Variants in NUP98 observed in about 807,000 individuals in gnomAD.
The protein encoded by NUP98 is nuclear pore complex protein Nup98-Nup96.
Under a neutral mutation model 191.9 loss-of-function variants are expected in NUP98, and 26 were observed. That is an observed-to-expected ratio of 0.14 (90% CI 0.10 to 0.19). The LOEUF is 0.19. NUP98 is among the 10% of genes least tolerant of loss of function. NUP98 has a pLI of 1.00. For synonymous variants in NUP98, 808 were observed against 778.4 expected (o/e 1.04, Z -0.63); for missense variants, 1,941 against 2,178.8 (o/e 0.89, Z 2.17).
At chr11:3,781,456 A>ATTTTTTT (rs202136583) in intron 2 of NUP98, 1 of 147,486 alleles carries the variant, frequency 6.8e-6, no homozygotes, top group South Asian at 2.2e-4. Flanking sequence ...AGGAAACAAA[A>ATTTTTTT]TTTTTTTTTT....
rs1326467905 is a variant in NUP98, at chr11:3,699,322, T to C, written c.3769A>G (p.Thr1257Ala). The change falls in exon 25 of 33, where the codon ACA becomes GCA. Residue 1257 changes from threonine to alanine, a missense_variant. Thr to Ala is a moderately conservative substitution (Grantham distance 58). Around this residue, in one of 6 missense-constraint regions of NUP98, gnomAD observed 1,030 missense variants for 1,115.8 expected, o/e 0.92. Transcript: ENST00000324932. Reference protein sequence around the residue: ...QIVKHWSLTWTLCEALWGHLK... With the variant: ...QIVKHWSLTWALCEALWGHLK... ...TGGCCCCATAGGGCTTCACATAGTG[T>C]CCATGTCAGGCTCCAGTGCTTCACA... The C allele has an allele frequency of 2.5e-6, 4 of 1,614,148 alleles. No individual in the cohort carries two copies. The East Asian group carries it at 8.9e-5, about 36-fold the overall frequency.
intron 11 of NUP98, among the ~76,000 whole-genome samples, chr11:3,745,462 T>C (rs1336956377): frequency 2.6e-5 from 4 of 152,184 alleles, no homozygotes; most frequent in Non-Finnish European, 5.9e-5. Context: ...GAAACTGGTA[T>C]TGTTGAATTT....
intron 10 of NUP98, among the ~76,000 whole-genome samples, chr11:3,753,610 C>T (rs1028399088): frequency 6.6e-6 from 1 of 151,834 alleles, no homozygotes; most frequent in Non-Finnish European, 1.5e-5. Context: ...ACATTTCAGC[C>T]TTGAAATATC....
chr11:3,689,940 ATTTTTTTTTTTTTTT>A (rs989043726), intron 28 of NUP98, among the ~76,000 whole-genome samples: 1 of 73,574 alleles, frequency 1.4e-5, no homozygotes, highest in Admixed American at 1.5e-4. Context: ...GCTGGCCTGC[ATTTTTTTTTTTTTTT>A]TTTTTTTTTT....
intron 18 of NUP98, among the ~76,000 whole-genome samples, chr11:3,717,735 C>T (rs930262668): frequency 6.6e-6 from 1 of 152,192 alleles, no homozygotes; most frequent in African/African-American, 2.4e-5. Flanking sequence ...AGCAGGCATC[C>T]TTGTGTTGCC....
In NUP98 at chr11:3,683,294, G is replaced by A. The variant is rs762130499; in HGVS notation, c.4824C>T (p.His1608=). 8 of 1,614,034 alleles carry A rather than the reference G, an allele frequency of 5.0e-6. No homozygotes were observed. Among genetic ancestry groups the A allele is most frequent in the Non-Finnish European group, 6.8e-6 (8 of 1,180,038 alleles). ...WIHEAKAVRA[H]MESDKHLEAL... ...CCTCTAAGTGCTTGTCAGATTCCAT[G>A]TGTGCTCGCACAGCTTTGGCCTCGT... Residue 1608 remains histidine (H), a synonymous_variant, in exon 30 of 33, where the codon CAC becomes CAT. Coordinates refer to ENST00000324932, the MANE Select transcript of NUP98 (RefSeq NM_016320.5).
chr11:3,742,786 A>C (rs964147970), intron 12 of NUP98, among the ~76,000 whole-genome samples: 4 of 152,058 alleles, frequency 2.6e-5, no homozygotes, highest in East Asian at 1.9e-4. Flanking sequence ...CTGACAAAGA[A>C]GACTCAAGAA....
intron 14 of NUP98, 103 bp downstream of exon 14, chr11:3,731,288 G>A: frequency 1.3e-6 from 1 of 778,590 alleles, no homozygotes; most frequent in African/African-American, 1.8e-5. Context: ...AAACAAAGTG[G>A]ACTGTATCAC....
chr11:3,727,215 T>C lies in NUP98; in HGVS notation c.1731-1996A>G, dbSNP rs548386617. Among the ~76,000 whole-genome samples the C allele has an allele frequency of 3.5e-4, 54 of 152,226 alleles. No homozygotes were observed. In the Middle Eastern group the frequency reaches 0.014, roughly 38 times the overall value. ...CTGAACACAGTTGTGCACACACACC[T>C]ATAGTCCCACGTACTTGAGAGGCTG... On this transcript the variant is annotated intron_variant, in intron 14 of 32. Coordinates refer to ENST00000324932, the MANE Select transcript of NUP98 (RefSeq NM_016320.5).
intron 14 of NUP98, among the ~76,000 whole-genome samples, chr11:3,729,658 T>C (rs184522574): frequency 7.9e-6 from 1 of 125,794 alleles, no homozygotes; most frequent in East Asian, 2.3e-4. Context: ...GAAGGTGCAG[T>C]GATGTATGAT....
chr11:3,725,302 T>A, intron 14 of NUP98, 83 bp from the exon 15 acceptor site: 1 of 676,174 alleles, frequency 1.5e-6, no homozygotes, highest in South Asian at 1.8e-5. Flanking sequence ...AAAACTGGAG[T>A]CCAATGGTGC....
In NUP98 at chr11:3,797,479, G is replaced by T; in HGVS notation, c.-108C>A. ...TCACAGAGCAGCGCGCGGCCCCCAC[G>T]AAACCGTCGCCGCCGCCGCTACCAC... On this transcript the variant is annotated 5_prime_UTR_variant, in exon 1 of 33. Transcript: ENST00000324932. 2.3e-6 allele frequency: 1 copy of T among 431,690 alleles called. No homozygotes were observed. The highest frequency in any genetic ancestry group is 4.4e-5 in the Admixed American group (1 of 22,852). The allele number at this position is 431,690 out of a possible 1,614,324, so 26.7% of individuals were successfully genotyped here.
chr11:3,722,185 C>T (rs2079428998), intron 16 of NUP98, among the ~76,000 whole-genome samples: 1 of 146,230 alleles, frequency 6.8e-6, no homozygotes, highest in African/African-American at 2.6e-5. Context: ...ATAATCATAG[C>T]TCACTGCAAC....
chr11:3,706,706 T>C lies in NUP98; in HGVS notation c.2743-79A>G, dbSNP rs906932375. On this transcript the variant is annotated intron_variant, in intron 20 of 32. Transcript: ENST00000324932. ...TAGATTCTAAATCAGATTTACTTTATTCAGAATATGATACAACAATTATTA... is the reference window on the plus strand; with the variant it reads ...TAGATTCTAAATCAGATTTACTTTACTCAGAATATGATACAACAATTATTA... 3.5e-5 allele frequency: 46 copies of C among 1,325,050 alleles called. No individual in the cohort carries two copies. In the African/African-American group the frequency reaches 6.4e-4, roughly 18 times the overall value. The allele number at this position is 1,325,050 out of a possible 1,614,324, so 82.1% of individuals were successfully genotyped here.
chr11:3,779,265 AG>A lies in NUP98; in HGVS notation c.77-9del. 1 of 1,588,858 alleles carries A rather than the reference AG, an allele frequency of 6.3e-7. No individual in the cohort carries two copies. The highest frequency in any genetic ancestry group is 1.1e-5 in the South Asian group (1 of 90,482). ...TAGTGCCAAAGCCAGTATCTGAAAAAGCAAAATCCAGAGTAAATTAGAATTT... is the reference window on the plus strand; with the variant it reads ...TAGTGCCAAAGCCAGTATCTGAAAAACAAAATCCAGAGTAAATTAGAATTT... On this transcript the variant is annotated splice_polypyrimidine_tract_variant and intron_variant, in intron 2 of 32. Transcript: ENST00000324932.
At chr11:3,791,370 T>A (rs995357573) in intron 1 of NUP98, among the ~76,000 whole-genome samples, 2 of 135,176 alleles carry the variant, frequency 1.5e-5, no homozygotes, top group Admixed American at 7.5e-5. Context: ...TCATCTCTAC[T>A]AAAAATACAA....
At chr11:3,758,785 G>C (rs2081064725) in intron 10 of NUP98, among the ~76,000 whole-genome samples, 1 of 148,022 alleles carries the variant, frequency 6.8e-6, no homozygotes, top group South Asian at 2.1e-4. Flanking sequence ...GAGACAGAGA[G>C]AGACAGAGAG....
chr11:3,787,943 G>T (rs1337116800), intron 1 of NUP98, among the ~76,000 whole-genome samples: 1 of 152,176 alleles, frequency 6.6e-6, no homozygotes, highest in Non-Finnish European at 1.5e-5. Context: ...AGTGAGCCGA[G>T]ATCGGGCCAC....
intron 32 of NUP98, 65 bp from the exon 33 acceptor site, chr11:3,676,441 G>C (rs2077812875): frequency 1.2e-6 from 2 of 1,601,418 alleles, no homozygotes; most frequent in African/African-American, 2.7e-5. Context: ...AGGCACTGAG[G>C]GTGGGGTGTA....
Sources: allele counts gnomAD v4.1 joint callset (sites outside exome capture counted in the v4.1 genomes callset), GRCh38; gene constraint gnomAD v4.1.1; regional missense constraint gnomAD v4.1.1; transcripts MANE v1.5; gene names NCBI Gene and HGNC (gene_info 2026-07-23, HGNC 2026-07-21).